NAV1: variants seen among roughly 807,000 people sequenced by gnomAD.
NAV1 encodes the protein pore membrane and/or filament interacting like protein 3.
In NAV1, 18 loss-of-function variants were observed where a neutral mutation model predicts 175.2. The ratio of observed to expected loss-of-function variants is 0.10; its 90% CI spans 0.07 to 0.15. The LOEUF (loss-of-function observed/expected upper bound fraction) is 0.15. Among genes scored for constraint, NAV1 ranks in the 10% least tolerant of loss-of-function variants. The probability of loss-of-function intolerance (pLI) is 1.00; values close to 1 mark genes in which losing one functional copy is unlikely to be tolerated. For synonymous variants in NAV1, 897 were observed against 978.7 expected (o/e 0.92, Z 1.56); for missense variants, 1,731 against 2,436.6 (o/e 0.71, Z 6.10).
chr1:201,649,534 C>G, intron 1 of NAV1, 109 bp downstream of exon 5: 1 of 1,426,238 alleles, frequency 7.0e-7, no homozygotes, highest in Non-Finnish European at 9.2e-7. Flanking sequence ...CCCGGAGGGC[C>G]CTCCTGTTCA....
chr1:201,583,019 T>C (rs1358127984), intron 1 of NAV1, among the ~76,000 whole-genome samples: 3 of 152,262 alleles, frequency 2.0e-5, no homozygotes, highest in Admixed American at 6.5e-5. Flanking sequence ...ACGGGATCCC[T>C]CAGCATCCGC....
At chr1:201,757,259 T>A (rs1674570842) in intron 3 of NAV1, among the ~76,000 whole-genome samples, 1 of 152,194 alleles carries the variant, frequency 6.6e-6, no homozygotes, top group Non-Finnish European at 1.5e-5. Context: ...CTTTCTTTTT[T>A]CTTTTTCTTT....
In NAV1 at chr1:201,787,753, A is replaced by C. The variant is rs116295220; in HGVS notation, c.2996-715A>C. The C allele has an allele frequency of 7.3e-3, 3,316 of 455,728 alleles. 97 individuals are homozygous for C. The highest frequency in any genetic ancestry group is 0.06 in the African/African-American group (3,019 of 50,156). 28.2% of individuals were successfully genotyped at this position (455,728 alleles called of 1,614,324 possible). On this transcript the variant is annotated intron_variant, in intron 9 of 29. Coordinates refer to ENST00000367296, the Ensembl canonical transcript of NAV1. This position sits in a 1 kb window ranked among gnomAD's most constrained non-coding sequence, Gnocchi z 4.3. ...TGAAACCCTGAAAGGCTGTAATCCC[A>C]GCAATGGGCAAAGGGGTAAGGCATC...
At chr1:201,549,456 G>T (rs1457947015) in intron 1 of NAV1, among the ~76,000 whole-genome samples, 1 of 152,134 alleles carries the variant, frequency 6.6e-6, no homozygotes, top group East Asian at 1.9e-4. Context: ...CGATCCACCT[G>T]CTTCAAACTC....
At chr1:201,680,460 C>T (rs1027996660) in intron 1 of NAV1, among the ~76,000 whole-genome samples, 2 of 151,946 alleles carry the variant, frequency 1.3e-5, no homozygotes, top group Non-Finnish European at 2.9e-5. Context: ...GAGCCGAGAT[C>T]GCGCCATTGC....
intron 1 of NAV1, among the ~76,000 whole-genome samples, chr1:201,665,988 C>A (rs531944469): frequency 1.3e-5 from 2 of 152,046 alleles, no homozygotes; most frequent in African/African-American, 4.8e-5. Flanking sequence ...CTTGAACTCA[C>A]GTGTAAAGGA....
chr1:201,585,313 G>A (rs772469967), intron 1 of NAV1, among the ~76,000 whole-genome samples: 1 of 152,160 alleles, frequency 6.6e-6, no homozygotes, highest in Non-Finnish European at 1.5e-5. Flanking sequence ...ACGATGATGG[G>A]GGAGGCACAG....
At chr1:201,675,028 T>A (rs1163060398) in intron 1 of NAV1, among the ~76,000 whole-genome samples, 3 of 139,660 alleles carry the variant, frequency 2.1e-5, no homozygotes, top group African/African-American at 8.4e-5. Context: ...TGAGACTCTG[T>A]CTCAAAAAAA....
intron 2 of NAV1, among the ~76,000 whole-genome samples, chr1:201,595,599 T>C (rs753428940): frequency 1.3e-5 from 2 of 152,108 alleles, no homozygotes; most frequent in Non-Finnish European, 2.9e-5. Flanking sequence ...ACTGGGGGCA[T>C]AGTGGGGCCA....
chr1:201,613,949 G>A (rs929101470), intron 2 of NAV1, among the ~76,000 whole-genome samples: 1 of 151,590 alleles, frequency 6.6e-6, no homozygotes. Flanking sequence ...GAGGAAATAG[G>A]CCAAGGAGGT....
intron 2 of NAV1, among the ~76,000 whole-genome samples, chr1:201,643,228 TTC>T (rs1260648858): frequency 2.7e-5 from 4 of 145,610 alleles, no homozygotes; most frequent in African/African-American, 5.4e-5. Flanking sequence ...CTCTTCCCTT[TTC>T]TTTCTTTCTT....
chr1:201,709,224 A>G (rs113369599), intron 1 of NAV1, among the ~76,000 whole-genome samples: 6,998 of 151,266 alleles, frequency 0.046, 228 homozygotes, highest in Middle Eastern at 0.069. Flanking sequence ...AGATACCTTC[A>G]CCCCATCCGG....
intron 2 of NAV1, among the ~76,000 whole-genome samples, chr1:201,716,473 C>T (rs752678981): frequency 6.6e-5 from 10 of 152,192 alleles, no homozygotes; most frequent in South Asian, 2.1e-4. Flanking sequence ...TCTCTGGCTT[C>T]GGGGCACATC....
At chr1:201,664,377 T>A (rs1669733270) in intron 1 of NAV1, among the ~76,000 whole-genome samples, 2 of 152,172 alleles carry the variant, frequency 1.3e-5, no homozygotes, top group African/African-American at 4.8e-5. Context: ...CCTGGCTCTA[T>A]ATTAACTAGC....
chr1:201,711,589 C>A (rs964986582), intron 1 of NAV1, among the ~76,000 whole-genome samples: 2 of 152,202 alleles, frequency 1.3e-5, no homozygotes, highest in Non-Finnish European at 1.5e-5. Flanking sequence ...AGAAGGCTTG[C>A]GGATGGAGGG....
rs770408542 is a variant in NAV1 at position 201,718,576 on chromosome 1, C to T, written c.1047C>T (p.Gly349=). 5 of 1,613,942 alleles carry T rather than the reference C, an allele frequency of 3.1e-6. No homozygotes were observed. Among genetic ancestry groups the T allele is most frequent in the East Asian group, 2.2e-5 (1 of 44,890 alleles). ...GGACGCCCGCCTGGTACATGCACGG[C>T]GAACGGGCCCACTACTCCCACACCA... Residue 349 remains glycine (G), a synonymous_variant, in exon 3 of 30, where the codon GGC becomes GGT. Coordinates refer to ENST00000367296, the Ensembl canonical transcript of NAV1. This position sits in a 1 kb window ranked among gnomAD's most constrained non-coding sequence, Gnocchi z 4.8.
Position 201,788,655 on chromosome 1 carries a change from G to T in NAV1, c.3166+17G>T. On this transcript the variant is annotated intron_variant, in intron 10 of 29. Coordinates refer to ENST00000367296, the Ensembl canonical transcript of NAV1. The surrounding 1 kb of genome is among the most constrained non-coding windows in gnomAD (Gnocchi z 5.7). Reference sequence around the variant, plus strand: ...CGGACGATGGTGAGACTTCATGCTAGCGCGGTTCACGCTCATTCCAGCTCT... The same window carrying T: ...CGGACGATGGTGAGACTTCATGCTATCGCGGTTCACGCTCATTCCAGCTCT... 1 of 1,596,616 alleles carries T rather than the reference G, an allele frequency of 6.3e-7. No individual in the cohort carries two copies.
At position 201,808,375 on chromosome 1, in the gene NAV1, G is replaced by T. The variant is rs774276357; in HGVS notation, c.3846-43G>T. On this transcript the variant is annotated intron_variant, in intron 18 of 29. Transcript: ENST00000367296. This position sits in a 1 kb window ranked among gnomAD's most constrained non-coding sequence, Gnocchi z 5.5. Reference sequence around the variant, plus strand: ...CTCTCAATATTCTCTAGTAACTCTAGTGCTTCTTCATGTAGCCTGGCTTGA... The same window carrying T: ...CTCTCAATATTCTCTAGTAACTCTATTGCTTCTTCATGTAGCCTGGCTTGA... The T allele has an allele frequency of 3.0e-5, 47 of 1,573,794 alleles. No individual in the cohort carries two copies.
In NAV1 at chr1:201,740,135, T is replaced by A. The variant is rs1673313581; in HGVS notation, c.1226+21380T>A. The A allele has an allele frequency of 2.2e-6, 3 of 1,355,154 alleles. No individual in the cohort carries two copies. In the South Asian group the frequency reaches 4.9e-5, roughly 22 times the overall value. 83.9% of individuals were successfully genotyped at this position (1,355,154 alleles called of 1,614,324 possible). On this transcript the variant is annotated intron_variant, in intron 3 of 29. Coordinates refer to ENST00000367296, the Ensembl canonical transcript of NAV1. The surrounding 1 kb of genome is among the most constrained non-coding windows in gnomAD (Gnocchi z 4.7). ...GACCGCAGAGCTGGGGTCGGGTTTG[T>A]GGCACCCCCAGCCCCGCCGCAGCCC...
Sources: gnomAD v4.1 joint callset for allele counts (sites outside exome capture counted in the v4.1 genomes callset) on GRCh38, gnomAD v4.1.1 for gene constraint, Gnocchi (gnomAD v3.1) non-coding constraint, MANE v1.5 for transcripts, NCBI Gene and HGNC (gene_info 2026-07-23, HGNC 2026-07-21) for gene names.